Variants in RARS2 observed in about 807,000 individuals in gnomAD.
RARS2 encodes the protein probable arginine--tRNA ligase, mitochondrial.
Under a neutral mutation model 88.5 loss-of-function variants are expected in RARS2, and 67 were observed. That is an observed-to-expected ratio of 0.76 (90% CI 0.62 to 0.93). The LOEUF is 0.93. Ranked by LOEUF, RARS2 falls within the 40% of genes least tolerant of loss-of-function variation. RARS2 has a pLI of 0.00. For missense variants in RARS2, 664 were observed against 684.2 expected (o/e 0.97, Z 0.33); for synonymous variants, 239 against 230.3 (o/e 1.04, Z -0.34).
At chr6:87,571,793 T>C (rs1330806198) in intron 1 of RARS2, among the ~76,000 whole-genome samples, 9 of 152,220 alleles carry the variant, frequency 5.9e-5, no homozygotes, top group East Asian at 1.9e-4. Context: ...CCGTAAAAAC[T>C]TGCCCAAACT....
chr6:87,519,491 G>A, intron 14 of RARS2, 92 bp downstream of exon 14: 1 of 1,386,272 alleles, frequency 7.2e-7, no homozygotes, highest in Non-Finnish European at 1.0e-6. Context: ...TTCAATGGAG[G>A]GACAGACATA....
intron 1 of RARS2, among the ~76,000 whole-genome samples, chr6:87,573,074 G>T (rs1770289300): frequency 6.6e-6 from 1 of 152,172 alleles, no homozygotes; most frequent in Non-Finnish European, 1.5e-5. Flanking sequence ...ATTAGTTCTT[G>T]TACTGCTATA....
chr6:87,545,047 A>G (rs911079113), intron 7 of RARS2, among the ~76,000 whole-genome samples: 8 of 152,138 alleles, frequency 5.3e-5, no homozygotes, highest in African/African-American at 1.7e-4. Context: ...TTAACTAATA[A>G]AAGTAGGCAA....
At chr6:87,589,364 A>G (rs1173525304) in intron 1 of RARS2, among the ~76,000 whole-genome samples, 4 of 152,172 alleles carry the variant, frequency 2.6e-5, no homozygotes, top group Admixed American at 6.5e-5. Context: ...GGAAAAACAA[A>G]ACAAAGCAAT....
chr6:87,524,477 G>T, intron 11 of RARS2, 80 bp downstream of exon 11: 1 of 1,076,868 alleles, frequency 9.3e-7, no homozygotes, highest in Non-Finnish European at 1.4e-6. Context: ...ATCCGATAAT[G>T]CATAATTAAT....
chr6:87,569,652 A>C (rs1562235039), intron 1 of RARS2, 62 bp from the exon 2 acceptor site: 38 of 1,278,488 alleles, frequency 3.0e-5, no homozygotes, highest in Non-Finnish European at 2.9e-5. Context: ...ATTCAATGGA[A>C]TACCACTTGT....
At chr6:87,537,887 G>A (rs1320342201) in intron 8 of RARS2, among the ~76,000 whole-genome samples, 2 of 152,136 alleles carry the variant, frequency 1.3e-5, no homozygotes, top group Non-Finnish European at 2.9e-5. Context: ...AAATAACGAT[G>A]GGGCAGAGTC....
intron 1 of RARS2, among the ~76,000 whole-genome samples, chr6:87,586,728 A>T (rs1481462182): frequency 5.3e-5 from 8 of 152,166 alleles, no homozygotes; most frequent in African/African-American, 1.7e-4. Context: ...CTAAACTATT[A>T]TAGCAAAACG....
chr6:87,562,430 G>A (rs536227783), intron 4 of RARS2, among the ~76,000 whole-genome samples: 2 of 152,272 alleles, frequency 1.3e-5, no homozygotes, highest in East Asian at 1.9e-4. Flanking sequence ...ATCTATACAC[G>A]TTGTGTATGA....
chr6:87,520,879 G>A (rs982504964), intron 12 of RARS2, among the ~76,000 whole-genome samples: 32 of 152,336 alleles, frequency 2.1e-4, no homozygotes, highest in East Asian at 5.8e-4. Flanking sequence ...GGCTGACCAC[G>A]AGGGAGTTTG....
chr6:87,521,953 G>T (rs1001306421), intron 11 of RARS2, among the ~76,000 whole-genome samples: 5 of 152,192 alleles, frequency 3.3e-5, no homozygotes, highest in African/African-American at 1.2e-4. Flanking sequence ...AACAGGTATT[G>T]TCTAGATACT....
chr6:87,555,403 C>G lies in RARS2; in HGVS notation c.395+5G>C. ...AAGCAACACATAAAAGGGGTGCACC[C>G]TCACCTGAATTCAACCACAATCTTC... On this transcript the variant is annotated splice_donor_5th_base_variant and intron_variant, in intron 5 of 19. Transcript: ENST00000369536. The G allele has an allele frequency of 6.2e-7, 1 of 1,611,114 alleles. No individual in the cohort carries two copies. Among genetic ancestry groups the G allele is most frequent in the East Asian group, 2.2e-5 (1 of 44,830 alleles).
chr6:87,548,559 G>A (rs1312408137), intron 6 of RARS2, 32 bp downstream of exon 6: 18 of 1,595,732 alleles, frequency 1.1e-5, no homozygotes, highest in Admixed American at 3.4e-5. Context: ...TCAAAGGAAC[G>A]TTTAGCATTT....
chr6:87,559,392 G>A (rs966692952), intron 4 of RARS2, among the ~76,000 whole-genome samples: 7 of 150,614 alleles, frequency 4.6e-5, no homozygotes, highest in African/African-American at 1.7e-4. Flanking sequence ...GCTTGAACCT[G>A]GGGGGCGGAG....
At chr6:87,555,860 T>C (rs112965622) in intron 4 of RARS2, among the ~76,000 whole-genome samples, 6 of 152,310 alleles carry the variant, frequency 3.9e-5, no homozygotes, top group African/African-American at 1.2e-4. Flanking sequence ...AGAAGCACCA[T>C]TTAACACTTA....
rs542295815 is a variant in RARS2 at position 87,514,255 on chromosome 6, G to C, written c.*158C>G. ...GAACCTGGGAGGTGGAGGTTGCAGT[G>C]AGCCAACATCACACCATTGCACTCC... On this transcript the variant is annotated 3_prime_UTR_variant, in exon 20 of 20. Transcript: ENST00000369536. 15 of 488,740 alleles carry C rather than the reference G, an allele frequency of 3.1e-5. No homozygotes were observed. The highest frequency in any genetic ancestry group is 2.6e-4 in the Admixed American group (8 of 30,578). 30.3% of individuals were successfully genotyped at this position (488,740 alleles called of 1,614,324 possible).
At position 87,564,247 on chromosome 6, in the gene RARS2, C is replaced by T. The variant is rs1046165044; in HGVS notation, c.111-15G>A. ...CAGCTACTTCTCTAAAGACAGACAT[C>T]GAAACGAGATAGAACTGTTACCTTA... On this transcript the variant is annotated splice_polypyrimidine_tract_variant and intron_variant, in intron 2 of 19. Coordinates refer to ENST00000369536, the MANE Select transcript of RARS2 (RefSeq NM_020320.5). 26 of 1,559,884 alleles carry T rather than the reference C, an allele frequency of 1.7e-5. No homozygotes were observed. Among genetic ancestry groups the T allele is most frequent in the South Asian group, 4.4e-5 (4 of 89,928 alleles).
intron 17 of RARS2, 38 bp downstream of exon 17, chr6:87,518,131 G>GC (rs771641135): frequency 1.2e-6 from 2 of 1,613,920 alleles, no homozygotes; most frequent in Non-Finnish European, 1.7e-6. Flanking sequence ...ATTTTGATAA[G>GC]CAGAAGCACA....
chr6:87,529,653 A>T lies in RARS2; in HGVS notation c.772-5T>A. 6.4e-7 allele frequency: 1 copy of T among 1,571,660 alleles called. No individual in the cohort carries two copies. Among genetic ancestry groups the T allele is most frequent in the Non-Finnish European group, 8.8e-7 (1 of 1,141,632 alleles). On this transcript the variant is annotated splice_region_variant and splice_polypyrimidine_tract_variant and intron_variant, in intron 9 of 19. Transcript: ENST00000369536. ...ATCAAAATATACTCCCAGACGCTAA[A>T]AGAGTTCAGAAACAAAAAGACAAAG...
Sources: gnomAD v4.1 joint callset for allele counts (sites outside exome capture counted in the v4.1 genomes callset) on GRCh38, gnomAD v4.1.1 for gene constraint, MANE v1.5 for transcripts, NCBI Gene and HGNC (gene_info 2026-07-23, HGNC 2026-07-21) for gene names.